Variants in GALNT18 observed in about 807,000 individuals in gnomAD.
The protein encoded by GALNT18 is GalNAc-transferase 18.
GALNT18 carries 44 observed loss-of-function variants against 69.5 expected under a neutral mutation model. The ratio of observed to expected loss-of-function variants is 0.63; its 90% CI spans 0.50 to 0.81. The LOEUF is 0.81. Among genes scored for constraint, GALNT18 ranks in the 40% least tolerant of loss-of-function variants. GALNT18 has a pLI of 0.00. For synonymous variants in GALNT18, 364 were observed against 318.2 expected (o/e 1.14, Z -1.53); for missense variants, 715 against 810.0 (o/e 0.88, Z 1.42).
At chr11:11,271,531 C>A (rs1376836644) in intron 10 of GALNT18, among the ~76,000 whole-genome samples, 1 of 150,962 alleles carries the variant, frequency 6.6e-6, no homozygotes, top group Non-Finnish European at 1.5e-5. Context: ...AGAGAGGCCT[C>A]CCCACCCCTA....
intron 1 of GALNT18, among the ~76,000 whole-genome samples, chr11:11,456,061 A>G (rs1011697305): frequency 1.3e-5 from 2 of 152,210 alleles, no homozygotes; most frequent in African/African-American, 4.8e-5. Context: ...CCAGCCCAAC[A>G]GAGCAAGACC....
At chr11:11,381,851 G>T (rs1853928773) in intron 3 of GALNT18, among the ~76,000 whole-genome samples, 2 of 152,212 alleles carry the variant, frequency 1.3e-5, no homozygotes, top group African/African-American at 2.4e-5. Flanking sequence ...TTTATTGCAG[G>T]ATTCTGGGCC....
Position 11,379,254 on chromosome 11 carries a change from C to T in GALNT18, c.606G>A (p.Lys202=). The change falls in exon 4 of 11, where the codon AAG becomes AAA. Residue 202 remains lysine, a synonymous_variant. Coordinates refer to ENST00000227756, the MANE Select transcript of GALNT18 (RefSeq NM_198516.3). ...TGTCCACATATTCGGTCAGCTTCTC[C>T]TTCAGTTCCTCTGTCAGGGAGAAAA... is the stretch of plus-strand genomic sequence containing the variant. ...VDDNSSNEEL[K]EKLTEYVDKV... The T allele has an allele frequency of 6.2e-7, 1 of 1,612,274 alleles. No individual in the cohort carries two copies. The highest frequency in any genetic ancestry group is 2.2e-5 in the East Asian group (1 of 44,854).
At chr11:11,568,439 C>A (rs879384326) in intron 1 of GALNT18, among the ~76,000 whole-genome samples, 2 of 152,134 alleles carry the variant, frequency 1.3e-5, no homozygotes, top group Non-Finnish European at 2.9e-5. Flanking sequence ...ACCCTAGGCT[C>A]CTTAAGAAGT....
Position 11,525,803 on chromosome 11 carries a change from T to A in GALNT18, c.236-76867A>T, listed in dbSNP as rs576703307. ...GCGCCCGCCACCACGCCCAGCTAAT[T>A]TTGTAATTTTAGTAGAGACAGGGTT... is the stretch of plus-strand genomic sequence containing the variant. On this transcript the variant is annotated intron_variant, in intron 1 of 10. Transcript: ENST00000227756. Among the ~76,000 whole-genome samples the A allele has an allele frequency of 1.6e-4, 25 of 151,874 alleles. No individual in the cohort carries two copies. In the South Asian group the frequency reaches 5.2e-3, roughly 32 times the overall value.
chr11:11,547,731 TG>T (rs2133964610), intron 1 of GALNT18, among the ~76,000 whole-genome samples: 1 of 152,324 alleles, frequency 6.6e-6, no homozygotes, highest in African/African-American at 2.4e-5. Flanking sequence ...TCCTCTACGC[TG>T]CAATTGGGGT....
intron 1 of GALNT18, among the ~76,000 whole-genome samples, chr11:11,554,462 A>G (rs1367122216): frequency 2.6e-5 from 4 of 151,784 alleles, no homozygotes; most frequent in Non-Finnish European, 5.9e-5. Context: ...TGTGCTTGTC[A>G]GCAAGTGTTA....
At chr11:11,301,157 G>T (rs530845740) in intron 9 of GALNT18, among the ~76,000 whole-genome samples, 1 of 152,194 alleles carries the variant, frequency 6.6e-6, no homozygotes, top group Non-Finnish European at 1.5e-5. Context: ...CTCTGTGCCC[G>T]TCTTGAGTCT....
chr11:11,357,893 A>T (rs1850563245), intron 6 of GALNT18, among the ~76,000 whole-genome samples: 1 of 152,232 alleles, frequency 6.6e-6, no homozygotes, highest in South Asian at 2.1e-4. Flanking sequence ...TATTGAATAA[A>T]TGCACTAAAT....
chr11:11,481,267 A>T (rs1856521997), intron 1 of GALNT18, among the ~76,000 whole-genome samples: 1 of 116,160 alleles, frequency 8.6e-6, no homozygotes. Flanking sequence ...GGCTACAGCT[A>T]CACCTCTACA....
intron 1 of GALNT18, among the ~76,000 whole-genome samples, chr11:11,585,623 T>C (rs769974631): frequency 6.6e-6 from 1 of 152,190 alleles, no homozygotes; most frequent in Non-Finnish European, 1.5e-5. Flanking sequence ...CCCAAAGTGC[T>C]GGGATTACAG....
chr11:11,333,777 G>A (rs1850060406), intron 7 of GALNT18, among the ~76,000 whole-genome samples: 2 of 152,108 alleles, frequency 1.3e-5, no homozygotes, highest in Admixed American at 6.5e-5. Flanking sequence ...GAAGGCTAGA[G>A]AAGCCCCCTT....
intron 1 of GALNT18, among the ~76,000 whole-genome samples, chr11:11,560,704 C>T (rs948265357): frequency 7.9e-5 from 12 of 152,238 alleles, no homozygotes; most frequent in African/African-American, 2.9e-4. Context: ...CCCAGCCCAG[C>T]AGTCATGGGT....
chr11:11,409,364 T>C (rs1259419388), intron 3 of GALNT18, among the ~76,000 whole-genome samples: 2 of 152,034 alleles, frequency 1.3e-5, no homozygotes, highest in Non-Finnish European at 2.9e-5. Context: ...GCCCAGCAGG[T>C]CCCAGAATCA....
intron 1 of GALNT18, among the ~76,000 whole-genome samples, chr11:11,510,161 A>C (rs1857140021): frequency 6.6e-6 from 1 of 152,230 alleles, no homozygotes; most frequent in Admixed American, 6.5e-5. Context: ...CACAGAGACC[A>C]CGCTGATGGA....
chr11:11,448,375 A>G (rs1334660056), intron 2 of GALNT18, among the ~76,000 whole-genome samples: 1 of 152,216 alleles, frequency 6.6e-6, no homozygotes, highest in Non-Finnish European at 1.5e-5. Flanking sequence ...TGTTAGCCCC[A>G]CAAGATAGAT....
chr11:11,468,706 T>C (rs758473026), intron 1 of GALNT18, among the ~76,000 whole-genome samples: 8 of 151,980 alleles, frequency 5.3e-5, no homozygotes, highest in Non-Finnish European at 1.0e-4. Flanking sequence ...GATTCTCGGG[T>C]CTGGGGGCTT....
intron 9 of GALNT18, among the ~76,000 whole-genome samples, chr11:11,299,925 T>A (rs748020477): frequency 3.3e-5 from 5 of 152,224 alleles, no homozygotes; most frequent in African/African-American, 4.8e-5. Context: ...AATCCCCTCT[T>A]CTACCAACAC....
chr11:11,527,507 T>G (rs1411373157), intron 1 of GALNT18, among the ~76,000 whole-genome samples: 1 of 152,200 alleles, frequency 6.6e-6, no homozygotes, highest in Non-Finnish European at 1.5e-5. Context: ...TCTACAGAAC[T>G]GTAAACAGAT....
Sources: allele counts gnomAD v4.1 joint callset (sites outside exome capture counted in the v4.1 genomes callset), GRCh38; gene constraint gnomAD v4.1.1; transcripts MANE v1.5; gene names NCBI Gene and HGNC (gene_info 2026-07-23, HGNC 2026-07-21).